MACROD2: variants seen among roughly 807,000 people sequenced by gnomAD.
MACROD2 encodes the protein mono-ADP ribosylhydrolase 2.
In MACROD2, 36 loss-of-function variants were observed where a neutral mutation model predicts 70.4. The observed-to-expected ratio is 0.51, with a 90% CI of 0.39 to 0.68. The LOEUF is 0.68. Ranked by LOEUF, MACROD2 falls within the 30% of genes least tolerant of loss-of-function variation. The probability of loss-of-function intolerance (pLI) is 0.00; values close to 1 mark genes in which losing one functional copy is unlikely to be tolerated. For synonymous variants in MACROD2, 172 were observed against 178.8 expected (o/e 0.96, Z 0.30); for missense variants, 496 against 538.4 (o/e 0.92, Z 0.78).
chr20:15,884,722 C>T (rs755249716), intron 9 of MACROD2, among the ~76,000 whole-genome samples: 8 of 152,034 alleles, frequency 5.3e-5, no homozygotes, highest in South Asian at 2.1e-4. Flanking sequence ...GAAGATTTGG[C>T]GCTAGCTGAT....
At chr20:14,128,250 G>A (rs1454133914) in intron 3 of MACROD2, 2 of 319,254 alleles carry the variant, frequency 6.3e-6, no homozygotes, top group Non-Finnish European at 1.2e-5. Flanking sequence ...TGATGAGTAT[G>A]TGGCTATATA....
intron 3 of MACROD2, among the ~76,000 whole-genome samples, chr20:14,461,540 T>C (rs1162086136): frequency 1.3e-5 from 2 of 151,916 alleles, no homozygotes; most frequent in African/African-American, 4.8e-5. Flanking sequence ...AGGATACATG[T>C]CCACAACGTG....
At chr20:14,972,543 A>T (rs1444033942) in intron 5 of MACROD2, among the ~76,000 whole-genome samples, 1 of 152,202 alleles carries the variant, frequency 6.6e-6, no homozygotes, top group Non-Finnish European at 1.5e-5. Flanking sequence ...TATTTACATT[A>T]TACTGAAGGT....
intron 5 of MACROD2, among the ~76,000 whole-genome samples, chr20:14,862,630 AATATATATAT>A (rs1180613085): frequency 2.0e-4 from 2 of 10,216 alleles, no homozygotes; most frequent in Non-Finnish European, 4.4e-4. Flanking sequence ...TATATATATA[AATATATATAT>A]AAATATATAT....
At chr20:14,463,202 T>C (rs1234240693) in intron 3 of MACROD2, among the ~76,000 whole-genome samples, 6 of 152,036 alleles carry the variant, frequency 3.9e-5, no homozygotes, top group South Asian at 4.2e-4. Context: ...ATATCCTCTT[T>C]TATTTCATTG....
intron 3 of MACROD2, among the ~76,000 whole-genome samples, chr20:14,362,234 T>A (rs1478085622): frequency 1.3e-5 from 2 of 152,244 alleles, no homozygotes; most frequent in Admixed American, 1.3e-4. Flanking sequence ...AGCACTTTCT[T>A]AATCTTGATA....
At chr20:14,439,934 G>A (rs982367793) in intron 3 of MACROD2, among the ~76,000 whole-genome samples, 1 of 152,116 alleles carries the variant, frequency 6.6e-6, no homozygotes, top group African/African-American at 2.4e-5. Context: ...CCATGAAAAT[G>A]AGACTTGGGC....
At chr20:14,993,664 A>G (rs1370932724) in intron 5 of MACROD2, among the ~76,000 whole-genome samples, 2 of 152,212 alleles carry the variant, frequency 1.3e-5, no homozygotes, top group Non-Finnish European at 2.9e-5. Context: ...ATCTGAAGTA[A>G]TAAAAGTCAC....
chr20:14,260,387 A>G (rs573336499), intron 3 of MACROD2, among the ~76,000 whole-genome samples: 1 of 152,342 alleles, frequency 6.6e-6, no homozygotes, highest in East Asian at 1.9e-4. Context: ...TGTCATGATA[A>G]TGTCATGTCT....
chr20:14,084,264 C>G (rs2054047397), intron 2 of MACROD2, among the ~76,000 whole-genome samples: 1 of 151,674 alleles, frequency 6.6e-6, no homozygotes, highest in African/African-American at 2.4e-5. Flanking sequence ...TCTAATCCCC[C>G]AGGTGTCTCA....
intron 8 of MACROD2, among the ~76,000 whole-genome samples, chr20:15,558,076 G>A (rs948976235): frequency 2.0e-5 from 3 of 152,144 alleles, no homozygotes; most frequent in Admixed American, 2.0e-4. Context: ...ATAAAAAGAT[G>A]ACAAGAGTCA....
At chr20:15,240,355 T>A (rs1247255022) in intron 6 of MACROD2, among the ~76,000 whole-genome samples, 1 of 152,220 alleles carries the variant, frequency 6.6e-6, no homozygotes, top group Non-Finnish European at 1.5e-5. Context: ...TATTTTCTTC[T>A]ATAGAAGAAT....
chr20:15,426,301 A>T (rs939731396), intron 6 of MACROD2, among the ~76,000 whole-genome samples: 48 of 152,082 alleles, frequency 3.2e-4, no homozygotes, highest in African/African-American at 1.1e-3. Flanking sequence ...CCCAACCTAT[A>T]ATTTCACATA....
chr20:15,604,871 A>G (rs554032323), intron 8 of MACROD2, among the ~76,000 whole-genome samples: 6 of 152,314 alleles, frequency 3.9e-5, no homozygotes, highest in Non-Finnish European at 8.8e-5. Flanking sequence ...TTCATAACAC[A>G]TTTCAAAAGT....
At chr20:14,141,277 G>A (rs1246071565) in intron 3 of MACROD2, among the ~76,000 whole-genome samples, 8 of 152,224 alleles carry the variant, frequency 5.3e-5, no homozygotes, top group African/African-American at 1.9e-4. Context: ...AATAGGAACA[G>A]ATGGGTAAAA....
intron 2 of MACROD2, among the ~76,000 whole-genome samples, chr20:14,080,525 G>T (rs2053977948): frequency 6.6e-6 from 1 of 150,910 alleles, no homozygotes; most frequent in Admixed American, 6.6e-5. Context: ...GGCCTAAGTG[G>T]TCATTTTTGC....
intron 4 of MACROD2, among the ~76,000 whole-genome samples, chr20:14,518,548 A>G (rs973903877): frequency 6.6e-6 from 1 of 152,134 alleles, no homozygotes. Flanking sequence ...TCCTATCCAT[A>G]TGTTAAGTAG....
intron 3 of MACROD2, among the ~76,000 whole-genome samples, chr20:14,330,982 T>C (rs1326284433): frequency 2.6e-5 from 4 of 152,136 alleles, no homozygotes; most frequent in African/African-American, 9.7e-5. Context: ...ATTGCTTATG[T>C]TAAATTGCAT....
intron 3 of MACROD2, among the ~76,000 whole-genome samples, chr20:14,144,297 A>G (rs187191016): frequency 1.2e-3 from 190 of 152,354 alleles, no homozygotes; most frequent in Admixed American, 3.8e-3. Context: ...AAATTTGTCA[A>G]TCACCGCTTT....
Sources: allele counts gnomAD v4.1 joint callset (sites outside exome capture counted in the v4.1 genomes callset), GRCh38; gene constraint gnomAD v4.1.1; transcripts MANE v1.5; gene names NCBI Gene and HGNC (gene_info 2026-07-23, HGNC 2026-07-21).